The following ZC3H14 variants were observed in gnomAD, a reference collection of about 807,000 sequenced individuals.
The protein encoded by ZC3H14 is zinc finger CCCH domain-containing protein 14.
ZC3H14 carries 31 observed loss-of-function variants against 92.4 expected under a neutral mutation model. That is an observed-to-expected ratio of 0.34 (90% CI 0.25 to 0.45). The LOEUF is 0.45. Ranked by LOEUF, ZC3H14 falls within the 20% of genes least tolerant of loss-of-function variation. ZC3H14 has a pLI of 1.00. For synonymous variants in ZC3H14, 321 were observed against 300.9 expected, an observed-to-expected ratio of 1.07 and a Z score of -0.69; for missense variants, 781 against 897.3, an observed-to-expected ratio of 0.87 and a Z score of 1.66.
rs1235293451 is a variant in ZC3H14, at chr14:88,595,260, T to G, written c.1280-1474T>G. 4.3e-6 allele frequency: 6 copies of G among 1,392,626 alleles called. No homozygotes were observed. The East Asian group carries it at 1.2e-4, about 29-fold the overall frequency. 86.3% of individuals were successfully genotyped at this position (1,392,626 alleles called of 1,614,324 possible). ...CTTTAATGACAAATTTGGATTCTGC[T>G]TGATTTAGCTTAGCAATCTAGAATT... On this transcript the variant is annotated intron_variant, in intron 9 of 16. Coordinates refer to ENST00000251038, the MANE Select transcript of ZC3H14 (RefSeq NM_024824.5).
chr14:88,596,498 A>G (rs1450677190), intron 9 of ZC3H14, among the ~76,000 whole-genome samples: 2 of 152,182 alleles, frequency 1.3e-5, no homozygotes, highest in Non-Finnish European at 2.9e-5. Context: ...TGATGTCCTC[A>G]TAGAGGGAGA....
chr14:88,586,809 A>G (rs2082524851), intron 9 of ZC3H14: 2 of 152,224 alleles, frequency 1.3e-5, no homozygotes, highest in African/African-American at 4.8e-5. Context: ...GAAAATAATC[A>G]AATAGTATAA....
In ZC3H14 at chr14:88,626,923, C is replaced by T. The variant is rs1433775170; in HGVS notation, c.*15172C>T. The T allele has an allele frequency of 6.2e-7, 1 of 1,613,980 alleles. No individual in the cohort carries two copies. The highest frequency in any genetic ancestry group is 1.7e-5 in the Admixed American group (1 of 60,024). On this transcript the variant is annotated 3_prime_UTR_variant, in exon 17 of 17. Transcript: ENST00000251038. ...CCCTTTTTTGCTAAGAAGAGCTCTT[C>T]CTGCCAGGGTCCAGAACTTCACATG...
Position 88,626,950 on chromosome 14 carries a change from T to A in ZC3H14, c.*15199T>A. On this transcript the variant is annotated 3_prime_UTR_variant, in exon 17 of 17. Transcript: ENST00000251038. ...TGCCAGGGTCCAGAACTTCACATGT[T>A]TTACTCCCACTGAGACAAACTGGGT... The A allele has an allele frequency of 6.2e-7, 1 of 1,613,938 alleles. No individual in the cohort carries two copies. Among genetic ancestry groups the A allele is most frequent in the Non-Finnish European group, 8.5e-7 (1 of 1,179,858 alleles).
chr14:88,611,149 A>T (rs2086646517), intron 16 of ZC3H14, among the ~76,000 whole-genome samples: 2 of 152,082 alleles, frequency 1.3e-5, no homozygotes, highest in African/African-American at 2.4e-5. Flanking sequence ...TTTAACCTAG[A>T]TTATCTTGCT....
Position 88,615,949 on chromosome 14 carries a change from GTAA to G in ZC3H14, c.*4201_*4203del. The G allele has an allele frequency of 7.0e-7, 1 of 1,418,678 alleles. No individual in the cohort carries two copies. Among genetic ancestry groups the G allele is most frequent in the Non-Finnish European group, 9.6e-7 (1 of 1,038,070 alleles). 87.9% of individuals were successfully genotyped at this position (1,418,678 alleles called of 1,614,324 possible). On this transcript the variant is annotated 3_prime_UTR_variant, in exon 17 of 17. Coordinates refer to ENST00000251038, the MANE Select transcript of ZC3H14 (RefSeq NM_024824.5). Reference sequence around the variant, plus strand: ...TCAGTTGTGCTTTCAGGTTACATGTGTAATATTTTTCCTCTTTAACTCCTTTTA... The same window carrying G: ...TCAGTTGTGCTTTCAGGTTACATGTGTATTTTTCCTCTTTAACTCCTTTTA...
intron 9 of ZC3H14, among the ~76,000 whole-genome samples, chr14:88,579,986 A>AGG (rs1157295596): frequency 6.6e-6 from 1 of 152,212 alleles, no homozygotes; most frequent in Non-Finnish European, 1.5e-5. Flanking sequence ...CTGAGGCAGG[A>AGG]GGATCACTTG....
chr14:88,601,629 G>C (rs1229675787), intron 10 of ZC3H14, among the ~76,000 whole-genome samples: 1 of 152,130 alleles, frequency 6.6e-6, no homozygotes, highest in African/African-American at 2.4e-5. Flanking sequence ...TGTACTTTAA[G>C]GGTATATTGT....
rs1196704628 is a variant in ZC3H14 at position 88,625,152 on chromosome 14, G to A, written c.*13401G>A. On this transcript the variant is annotated 3_prime_UTR_variant, in exon 17 of 17. Coordinates refer to ENST00000251038, the MANE Select transcript of ZC3H14 (RefSeq NM_024824.5). The stretch of plus-strand genomic sequence containing the variant: ...TCTGAAAAGGAGTGGGGGAGGGGGA[G>A]ACAAACTCATCAAAAGTTCAAATAG... 9.9e-6 allele frequency: 16 copies of A among 1,611,026 alleles called. No individual in the cohort carries two copies. Among genetic ancestry groups the A allele is most frequent in the Non-Finnish European group, 1.4e-5 (16 of 1,178,762 alleles).
chr14:88,571,932 C>A, intron 4 of ZC3H14, 98 bp from the exon 5 acceptor site: 1 of 1,038,066 alleles, frequency 9.6e-7, no homozygotes, highest in Non-Finnish European at 1.3e-6. Context: ...CCACTGCCCT[C>A]CAGCCTGGCG....
intron 10 of ZC3H14, among the ~76,000 whole-genome samples, chr14:88,599,590 C>G (rs1288986077): frequency 6.6e-6 from 1 of 152,166 alleles, no homozygotes; most frequent in African/African-American, 2.4e-5. Context: ...CACTTGGGTT[C>G]CCATACTTTC....
chr14:88,609,149 GTTT>G (rs1299948186), intron 13 of ZC3H14, 115 bp from the exon 14 acceptor site: 1 of 1,234,646 alleles, frequency 8.1e-7, no homozygotes. Context: ...TTTTGTTGCT[GTTT>G]TTTTTGCATT....
rs368571382 is a variant in ZC3H14 at position 88,572,087 on chromosome 14, A to G, written c.293A>G (p.Asn98Ser). ...ATCTTTGATAGTAACGTGCCTTCAA[A>G]CAAGAGCAATTTCAGTCGGGGAGAT... is the stretch of plus-strand genomic sequence containing the variant. ...TNIFDSNVPS[N>S]KSNFSRGDER... Residue 98 changes from asparagine (N) to serine (S), a missense_variant, in exon 5 of 17, where the codon AAC becomes AGC. By Grantham distance (46) the Asn-to-Ser change is conservative. This residue lies in a region of ZC3H14 where 106 missense variants were observed against 154.2 expected (regional missense o/e 0.69). Transcript: ENST00000251038. 3.3e-5 allele frequency: 54 copies of G among 1,614,104 alleles called. No homozygotes were observed. Among genetic ancestry groups the G allele is most frequent in the Admixed American group, 1.7e-4 (10 of 60,002 alleles).
chr14:88,616,267 C>T lies in ZC3H14; in HGVS notation c.*4516C>T, dbSNP rs746761315. 12 of 1,608,920 alleles carry T rather than the reference C, an allele frequency of 7.5e-6. No individual in the cohort carries two copies. In the Admixed American group the frequency reaches 1.2e-4, roughly 16 times the overall value. ...CCTAAAAAACAATGACAGACAAGCT[C>T]AGGGCATTTGGTGCACACAGAAGTC... On this transcript the variant is annotated 3_prime_UTR_variant, in exon 17 of 17. Coordinates refer to ENST00000251038, the MANE Select transcript of ZC3H14 (RefSeq NM_024824.5).
At chr14:88,599,093 G>A (rs1312993844) in intron 10 of ZC3H14, among the ~76,000 whole-genome samples, 1 of 152,132 alleles carries the variant, frequency 6.6e-6, no homozygotes, top group Non-Finnish European at 1.5e-5. Context: ...CTCAAACAAA[G>A]AAAACAGATA....
chr14:88,604,523 A>G (rs1361268688), intron 12 of ZC3H14, among the ~76,000 whole-genome samples: 2 of 152,068 alleles, frequency 1.3e-5, no homozygotes, highest in Non-Finnish European at 2.9e-5. Flanking sequence ...TGCTACCAAC[A>G]ACAACATCTG....
chr14:88,565,452 G>A lies in ZC3H14; in HGVS notation c.79+1759G>A, dbSNP rs192628870. Among the ~76,000 whole-genome samples the A allele has an allele frequency of 2.0e-5, 3 of 152,192 alleles. No homozygotes were observed. The East Asian group carries it at 5.8e-4, about 29-fold the overall frequency. ...CACTGCATCCGGCCAACTCAATGGC[G>A]ATATTAAAAAATAATTATTTTATAC... On this transcript the variant is annotated intron_variant, in intron 2 of 16. Coordinates refer to ENST00000251038, the MANE Select transcript of ZC3H14 (RefSeq NM_024824.5).
At chr14:88,576,242 A>G (rs1471930628) in intron 8 of ZC3H14, among the ~76,000 whole-genome samples, 3 of 152,246 alleles carry the variant, frequency 2.0e-5, no homozygotes, top group Non-Finnish European at 4.4e-5. Flanking sequence ...GGACTTTCAT[A>G]TTAGTAGCAT....
In ZC3H14 at chr14:88,609,276, CA is replaced by C; in HGVS notation, c.1880del (p.Asn627IlefsTer31). On this transcript the variant is annotated frameshift_variant, in exon 14 of 17. Transcript: ENST00000251038. LOFTEE classifies it high-confidence loss of function. The stretch of plus-strand genomic sequence containing the variant: ...TTTTTTTGTTTTGTAGAGCCTTCCC[CA>C]ATTGTAAATTTGCTGAAAAATGTTT... ...HPISPCKAFP[N>X]CKFAEKCLFV... 6.2e-7 allele frequency: 1 copy of C among 1,613,792 alleles called. No individual in the cohort carries two copies. The highest frequency in any genetic ancestry group is 8.5e-7 in the Non-Finnish European group (1 of 1,179,920).
Sources: gnomAD v4.1 joint callset for allele counts (sites outside exome capture counted in the v4.1 genomes callset) on GRCh38, gnomAD v4.1.1 for gene constraint, gnomAD v4.1.1 regional missense constraint, MANE v1.5 for transcripts, NCBI Gene and HGNC (gene_info 2026-07-23, HGNC 2026-07-21) for gene names.